Variants in SLCO1A2 observed in about 807,000 individuals in gnomAD.
The protein encoded by SLCO1A2 is OATP-1.
SLCO1A2 carries 67 observed loss-of-function variants against 69.0 expected under a neutral mutation model. The observed-to-expected ratio is 0.97, with a 90% CI of 0.80 to 1.19. The LOEUF (loss-of-function observed/expected upper bound fraction) is 1.19, where lower values mean the gene tolerates loss of function less well. SLCO1A2 is among the 50% of genes most tolerant of loss of function. The pLI is 0.00. For missense variants in SLCO1A2, 787 were observed against 793.7 expected (o/e 0.99, Z 0.10); for synonymous variants, 260 against 265.9 (o/e 0.98, Z 0.22).
chr12:21,378,369 C>A (rs1055368975), intron 1 of SLCO1A2: 1 of 1,613,924 alleles, frequency 6.2e-7, no homozygotes, highest in Non-Finnish European at 8.5e-7. Flanking sequence ...ATACATATGG[C>A]AAGAGGAATG....
intron 1 of SLCO1A2, among the ~76,000 whole-genome samples, chr12:21,409,702 A>G (rs558143048): frequency 4.1e-4 from 63 of 152,294 alleles, no homozygotes; most frequent in African/African-American, 1.2e-3. Flanking sequence ...TCACATGTCT[A>G]TGGTGACACA....
At position 21,269,764 on chromosome 12, in the gene SLCO1A2, G is replaced by GT; in HGVS notation, c.1796dup (p.Tyr599Ter). 1 of 1,604,124 alleles carries GT rather than the reference G, an allele frequency of 6.2e-7. No homozygotes were observed. The highest frequency in any genetic ancestry group is 8.5e-7 in the Non-Finnish European group (1 of 1,175,230). The part of the protein sequence containing the change: ...CRIYDSTTFR[Y>*]IYLGLPAALR... Reference sequence around the variant, plus strand: ...GTGCTGCCGGCAATCCGAGGTAGATGTATCTATTTTTTTAAAAGTTAAAAC... The same window carrying GT: ...GTGCTGCCGGCAATCCGAGGTAGATGTTATCTATTTTTTTAAAAGTTAAAAC... The change falls in exon 15 of 15, where the codon TAC (tyrosine) becomes TAAC (stop). Residue 599 changes from tyrosine to a stop codon, truncating the protein, a stop_gained and frameshift_variant. Coordinates refer to ENST00000683939, the MANE Select transcript of SLCO1A2 (RefSeq NM_001386879.1). LOFTEE classifies it low-confidence loss of function (END_TRUNC).
At chr12:21,365,735 G>A (rs1939323464) in intron 2 of SLCO1A2, among the ~76,000 whole-genome samples, 1 of 152,070 alleles carries the variant, frequency 6.6e-6, no homozygotes, top group Admixed American at 6.6e-5. Context: ...AAAAGTGGGT[G>A]AAGGATATGA....
intron 2 of SLCO1A2, among the ~76,000 whole-genome samples, chr12:21,331,407 G>A (rs1696589883): frequency 6.6e-6 from 1 of 152,068 alleles, no homozygotes; most frequent in Non-Finnish European, 1.5e-5. Flanking sequence ...CAGTTATGAG[G>A]AATTTTAGCA....
At chr12:21,351,843 T>C (rs1295252660) in intron 2 of SLCO1A2, among the ~76,000 whole-genome samples, 1 of 151,878 alleles carries the variant, frequency 6.6e-6, no homozygotes, top group African/African-American at 2.4e-5. Context: ...GAAGGGAATA[T>C]ACAGTGTGCC....
chr12:21,368,999 C>G (rs1179197371), intron 2 of SLCO1A2, among the ~76,000 whole-genome samples: 1 of 151,854 alleles, frequency 6.6e-6, no homozygotes, highest in East Asian at 1.9e-4. Flanking sequence ...TGTAGAAACA[C>G]CTAAAATAGT....
intron 2 of SLCO1A2, among the ~76,000 whole-genome samples, chr12:21,364,662 C>A (rs1233961085): frequency 6.6e-6 from 1 of 152,146 alleles, no homozygotes; most frequent in Admixed American, 6.5e-5. Context: ...CATCTCAGCC[C>A]AAAATCTCCT....
Position 21,292,161 on chromosome 12 carries a change from TACC to T in SLCO1A2, c.1610_1610+2del, listed in dbSNP as rs1232584047. 6.5e-7 allele frequency: 1 copy of T among 1,546,452 alleles called. No individual in the cohort carries two copies. Among genetic ancestry groups the T allele is most frequent in the East Asian group, 2.4e-5 (1 of 41,766 alleles). ...AATATAAATAAAGAAAATAATTTTG[TACC>T]TCAAGAGAACCATATATCCAGGTAT... On this transcript the variant is annotated splice_donor_variant and coding_sequence_variant, in exon 12 of 15. Coordinates refer to ENST00000683939, the MANE Select transcript of SLCO1A2 (RefSeq NM_001386879.1). LOFTEE classifies it high-confidence loss of function.
chr12:21,342,993 C>T (rs925612062), intron 2 of SLCO1A2, among the ~76,000 whole-genome samples: 10 of 152,160 alleles, frequency 6.6e-5, no homozygotes, highest in Admixed American at 2.0e-4. Flanking sequence ...ATGACCTGTG[C>T]GTCACATCCA....
intron 2 of SLCO1A2, among the ~76,000 whole-genome samples, chr12:21,329,739 C>T (rs6487217): frequency 0.38 from 56,492 of 149,662 alleles, 11,374 homozygotes; most frequent in African/African-American, 0.54. Context: ...TTTATCTTTA[C>T]TTAAAATAAC....
intron 1 of SLCO1A2, among the ~76,000 whole-genome samples, chr12:21,390,033 T>C (rs1417832925): frequency 2.0e-5 from 3 of 151,794 alleles, no homozygotes; most frequent in Admixed American, 6.6e-5. Flanking sequence ...TGCTTCTTCA[T>C]TTTAAAATGC....
At position 21,416,638 on chromosome 12, in the gene SLCO1A2, C is replaced by T. The variant is rs115407226; in HGVS notation, c.-312+1244G>A. 8.2e-3 allele frequency among the ~76,000 whole-genome samples: 1,241 copies of T among 151,822 alleles called. 27 individuals carry two copies. Among genetic ancestry groups the T allele is most frequent in the African/African-American group, 0.029 (1,184 of 41,368 alleles). ...TTTTTTTTTTTAAGAGACAGGGTCTCATGACATCGGACAGGCTAAAGGGCA... is the reference window on the plus strand; with the variant it reads ...TTTTTTTTTTTAAGAGACAGGGTCTTATGACATCGGACAGGCTAAAGGGCA... On this transcript the variant is annotated intron_variant, in intron 1 of 4. Coordinates refer to the SLCO1A2 transcript ENST00000413682.
At chr12:21,290,089 A>G (rs12307908) in intron 12 of SLCO1A2, among the ~76,000 whole-genome samples, 41,527 of 151,738 alleles carry the variant, frequency 0.27, 6,032 homozygotes, top group African/African-American at 0.34. Context: ...ATAGAGACAT[A>G]TATATGTATA....
chr12:21,399,646 C>G (rs1941616932), upstream of SLCO1A2, among the ~76,000 whole-genome samples: 1 of 81,784 alleles, frequency 1.2e-5, no homozygotes, highest in Non-Finnish European at 2.6e-5. Context: ...CTACAGTAAC[C>G]AAAACAGCAT....
At chr12:21,363,710 G>A (rs1253796812) in intron 2 of SLCO1A2, among the ~76,000 whole-genome samples, 1 of 152,080 alleles carries the variant, frequency 6.6e-6, no homozygotes, top group Admixed American at 6.5e-5. Context: ...AATGATAAAG[G>A]GGATATCACC....
intron 14 of SLCO1A2, among the ~76,000 whole-genome samples, chr12:21,272,727 A>G (rs111586693): frequency 3.3e-5 from 5 of 152,286 alleles, no homozygotes; most frequent in African/African-American, 7.2e-5. Flanking sequence ...AAAAATTACT[A>G]TCTTTTAACC....
chr12:21,376,102 G>C (rs1184569677), intron 1 of SLCO1A2, among the ~76,000 whole-genome samples: 1 of 152,138 alleles, frequency 6.6e-6, no homozygotes, highest in Non-Finnish European at 1.5e-5. Context: ...TAAGTGGAAT[G>C]ATGGCCCATC....
rs904769500 is a variant in SLCO1A2, at chr12:21,274,643, T to G, written c.1676-57A>C. On this transcript the variant is annotated intron_variant, in intron 13 of 14. Coordinates refer to ENST00000683939, the MANE Select transcript of SLCO1A2 (RefSeq NM_001386879.1). ...ACAAGAATTAAGATACTTGATTTATTTGGAAATATTTCAATTTTCTTTATT... is the reference window on the plus strand; with the variant it reads ...ACAAGAATTAAGATACTTGATTTATGTGGAAATATTTCAATTTTCTTTATT... 2.0e-5 allele frequency: 22 copies of G among 1,124,934 alleles called. No homozygotes were observed. The African/African-American group carries it at 2.5e-4, about 13-fold the overall frequency. 69.7% of individuals were successfully genotyped at this position (1,124,934 alleles called of 1,614,324 possible).
At chr12:21,270,702 T>TA (rs1942646017) in intron 14 of SLCO1A2, among the ~76,000 whole-genome samples, 1 of 142,742 alleles carries the variant, frequency 7.0e-6, no homozygotes, top group Non-Finnish European at 1.5e-5. Flanking sequence ...AGATTTATAA[T>TA]AAAATCTGGT....
Sources: allele counts gnomAD v4.1 joint callset (sites outside exome capture counted in the v4.1 genomes callset), GRCh38; gene constraint gnomAD v4.1.1; transcripts MANE v1.5; gene names NCBI Gene and HGNC (gene_info 2026-07-23, HGNC 2026-07-21).